The following KIFAP3 variants were observed in gnomAD, a reference collection of about 807,000 sequenced individuals.
The protein encoded by KIFAP3 is kinesin associated protein 3, also known as kinesin-associated protein 3.
KIFAP3 carries 68 observed loss-of-function variants against 106.5 expected under a neutral mutation model. That is an observed-to-expected ratio of 0.64 (90% confidence interval 0.53 to 0.78). The LOEUF is 0.78. Among genes scored for constraint, KIFAP3 ranks in the 30% least tolerant of loss-of-function variants. The probability of loss-of-function intolerance (pLI) is 0.00; values close to 1 mark genes in which losing one functional copy is unlikely to be tolerated. For synonymous variants in KIFAP3, 320 were observed against 311.5 expected (o/e 1.03, Z -0.29); for missense variants, 780 against 941.8 (o/e 0.83, Z 2.25).
At chr1:169,924,628 C>CTT (rs397749988) in intron 19 of KIFAP3, among the ~76,000 whole-genome samples, 1 of 151,722 alleles carries the variant, frequency 6.6e-6, no homozygotes, top group African/African-American at 2.4e-5. Context: ...TTTAAACTCT[C>CTT]ATTTGCTTCT....
chr1:169,954,084 T>C lies in KIFAP3; in HGVS notation c.2200A>G (p.Ile734Val), dbSNP rs754134484. ...TAATCATTGAAGAAATCGGGACTTA[T>C]GGCTCCTTCAGAGGCAATTAATCCA... ...SDGLIASEGA[I>V]SPDFFNDYHL... The change falls in exon 19 of 20, where the codon ATA becomes GTA. Residue 734 changes from isoleucine to valine, a missense_variant. Around this residue, in one of 3 missense-constraint regions of KIFAP3, gnomAD observed 114 missense variants for 122.3 expected, o/e 0.93. Coordinates refer to ENST00000361580, the MANE Select transcript of KIFAP3 (RefSeq NM_014970.4). The C allele has an allele frequency of 7.4e-6, 12 of 1,612,522 alleles. No individual in the cohort carries two copies. The highest frequency in any genetic ancestry group is 7.6e-6 in the Non-Finnish European group (9 of 1,178,804).
intron 2 of KIFAP3, among the ~76,000 whole-genome samples, chr1:170,054,343 T>C (rs960064640): frequency 2.0e-5 from 3 of 151,956 alleles, no homozygotes; most frequent in African/African-American, 7.2e-5. Context: ...TTTTGGCAGA[T>C]GCTGCTCAGG....
At chr1:169,924,898 T>C (rs1211103026) in intron 19 of KIFAP3, among the ~76,000 whole-genome samples, 1 of 152,210 alleles carries the variant, frequency 6.6e-6, no homozygotes, top group African/African-American at 2.4e-5. Flanking sequence ...CTGGAAAGAC[T>C]TGACTTCAAT....
chr1:169,967,891 C>T (rs1307082284), intron 17 of KIFAP3, among the ~76,000 whole-genome samples: 1 of 151,736 alleles, frequency 6.6e-6, no homozygotes, highest in Non-Finnish European at 1.5e-5. Context: ...TTATTCACTC[C>T]CCTATACCCC....
chr1:169,926,579 T>C (rs971715437), intron 19 of KIFAP3, among the ~76,000 whole-genome samples: 1 of 151,794 alleles, frequency 6.6e-6, no homozygotes, highest in Non-Finnish European at 1.5e-5. Context: ...TGTGTATATA[T>C]GTGTATATAT....
intron 19 of KIFAP3, among the ~76,000 whole-genome samples, chr1:169,938,984 T>C (rs182541861): frequency 3.3e-5 from 5 of 152,312 alleles, no homozygotes; most frequent in African/African-American, 1.2e-4. Context: ...GAGATGTAGA[T>C]AAGTGTCAAA....
At chr1:170,072,165 C>G (rs1438024705) in intron 1 of KIFAP3, among the ~76,000 whole-genome samples, 1 of 152,160 alleles carries the variant, frequency 6.6e-6, no homozygotes, top group African/African-American at 2.4e-5. Flanking sequence ...CCAATGCACT[C>G]AAAATAAAGT....
chr1:170,070,736 A>C (rs754815572), intron 1 of KIFAP3, among the ~76,000 whole-genome samples: 9 of 152,210 alleles, frequency 5.9e-5, no homozygotes, highest in Non-Finnish European at 1.0e-4. Context: ...ACAGAGGGAC[A>C]AACCTTCATG....
At chr1:169,974,948 T>A (rs540119802) in intron 16 of KIFAP3, among the ~76,000 whole-genome samples, 1 of 152,218 alleles carries the variant, frequency 6.6e-6, no homozygotes, top group East Asian at 1.9e-4. Context: ...AAGTCTCTAA[T>A]ATAAAATGGT....
At chr1:169,989,128 A>T (rs1436219885) in intron 11 of KIFAP3, among the ~76,000 whole-genome samples, 1 of 151,996 alleles carries the variant, frequency 6.6e-6, no homozygotes, top group Non-Finnish European at 1.5e-5. Context: ...AAGGTATGGG[A>T]GCAATTTTCT....
chr1:170,074,827 C>T, upstream of KIFAP3: 1 of 1,052,988 alleles, frequency 9.5e-7, no homozygotes, highest in Non-Finnish European at 1.2e-6. Flanking sequence ...TTTGAGCGTC[C>T]GTGTATAAGG....
At chr1:170,000,775 T>C (rs991205369) in intron 10 of KIFAP3, among the ~76,000 whole-genome samples, 13 of 152,124 alleles carry the variant, frequency 8.5e-5, no homozygotes, top group Non-Finnish European at 2.9e-5. Flanking sequence ...ATAATATATT[T>C]GTCTATAGTC....
intron 10 of KIFAP3, among the ~76,000 whole-genome samples, chr1:170,000,854 T>A (rs1006848376): frequency 6.6e-6 from 1 of 152,084 alleles, no homozygotes; most frequent in East Asian, 1.9e-4. Context: ...AATAACATAA[T>A]TTATAGGTTA....
chr1:170,025,697 A>G (rs796634361), intron 8 of KIFAP3, among the ~76,000 whole-genome samples: 5 of 152,338 alleles, frequency 3.3e-5, no homozygotes, highest in African/African-American at 4.8e-5. Context: ...TTTCCCTACC[A>G]TACAGCTAGA....
chr1:170,066,754 G>A (rs1671466781), intron 1 of KIFAP3, among the ~76,000 whole-genome samples: 1 of 151,898 alleles, frequency 6.6e-6, no homozygotes, highest in Non-Finnish European at 1.5e-5. Flanking sequence ...GAAACAGGAG[G>A]ACTACCTCCT....
intron 19 of KIFAP3, among the ~76,000 whole-genome samples, chr1:169,924,007 C>T (rs372244142): frequency 5.9e-5 from 9 of 151,888 alleles, no homozygotes; most frequent in East Asian, 5.8e-4. Flanking sequence ...TTTATTTCTA[C>T]GACTAATAGG....
chr1:170,020,209 C>T (rs1367967482), intron 9 of KIFAP3, among the ~76,000 whole-genome samples: 1 of 152,048 alleles, frequency 6.6e-6, no homozygotes, highest in Non-Finnish European at 1.5e-5. Context: ...CCAATATGGT[C>T]AATATATTGA....
At position 170,030,157 on chromosome 1, in the gene KIFAP3, T is replaced by A. The variant is rs1351972511; in HGVS notation, c.841+1729A>T. On this transcript the variant is annotated intron_variant, in intron 8 of 19. Transcript: ENST00000361580. ...ATGTAAAATTCTGCTCTTAAAAAGA[T>A]ACTTTAGGAGAACAAAAATTTCTGC... 3.9e-5 allele frequency among the ~76,000 whole-genome samples: 6 copies of A among 152,044 alleles called. No individual in the cohort carries two copies. In the East Asian group the frequency reaches 1.2e-3, roughly 29 times the overall value.
intron 11 of KIFAP3, among the ~76,000 whole-genome samples, chr1:169,986,859 C>T (rs1170932047): frequency 6.6e-6 from 1 of 151,884 alleles, no homozygotes; most frequent in Non-Finnish European, 1.5e-5. Flanking sequence ...GGCTACAGGT[C>T]ATTATTTTAG....
Sources: allele counts gnomAD v4.1 joint callset (sites outside exome capture counted in the v4.1 genomes callset), GRCh38; gene constraint gnomAD v4.1.1; regional missense constraint gnomAD v4.1.1; transcripts MANE v1.5; gene names NCBI Gene and HGNC (gene_info 2026-07-23, HGNC 2026-07-21).